XYLT1: variants seen among roughly 807,000 people sequenced by gnomAD.
The protein encoded by XYLT1 is xylosyltransferase 1.
Under a neutral mutation model 91.3 loss-of-function variants are expected in XYLT1, and 36 were observed. The observed-to-expected ratio is 0.39, with a 90% CI of 0.30 to 0.52. XYLT1 has a LOEUF of 0.52. Ranked by LOEUF, XYLT1 falls within the 20% of genes least tolerant of loss-of-function variation. The pLI is 0.68. For synonymous variants in XYLT1, 588 were observed against 532.0 expected (o/e 1.11, Z -1.45); for missense variants, 1,242 against 1,284.5 (o/e 0.97, Z 0.51).
chr16:17,354,023 G>A (rs2035258864), intron 2 of XYLT1, among the ~76,000 whole-genome samples: 1 of 152,190 alleles, frequency 6.6e-6, no homozygotes. Context: ...AATGAGAGAA[G>A]TCAGTTCTTG....
At chr16:17,130,168 C>G (rs1398489843) in intron 9 of XYLT1, among the ~76,000 whole-genome samples, 1 of 152,226 alleles carries the variant, frequency 6.6e-6, no homozygotes, top group Non-Finnish European at 1.5e-5. Context: ...AGCCAAGGAC[C>G]ACAGAGCCAC....
intron 6 of XYLT1, among the ~76,000 whole-genome samples, chr16:17,144,247 T>C (rs2141524316): frequency 6.6e-6 from 1 of 152,336 alleles, no homozygotes; most frequent in African/African-American, 2.4e-5. Flanking sequence ...ACAGAATGGA[T>C]AGATACTGAA....
intron 5 of XYLT1, among the ~76,000 whole-genome samples, chr16:17,183,439 CA>C (rs113035226): frequency 0.1 from 15,582 of 152,040 alleles, 912 homozygotes; most frequent in African/African-American, 0.14. Context: ...GACCCGTTGG[CA>C]AAAAACTCAG....
chr16:17,119,134 T>C (rs1272207161), intron 10 of XYLT1, among the ~76,000 whole-genome samples: 1 of 152,232 alleles, frequency 6.6e-6, no homozygotes, highest in Non-Finnish European at 1.5e-5. Flanking sequence ...ACAGGGGTTT[T>C]ACCTGGCTGG....
intron 8 of XYLT1, among the ~76,000 whole-genome samples, chr16:17,135,598 A>ATTCAGTGT (rs2030687475): frequency 6.6e-6 from 1 of 151,432 alleles, no homozygotes; most frequent in South Asian, 2.1e-4. Flanking sequence ...GGTGATTATG[A>ATTCAGTGT]TTCAGTGTTT....
intron 2 of XYLT1, among the ~76,000 whole-genome samples, chr16:17,333,627 G>T (rs535658259): frequency 4.4e-5 from 6 of 136,948 alleles, no homozygotes; most frequent in African/African-American, 1.7e-4. Flanking sequence ...TCACTCTGCC[G>T]CCCAGGCTGG....
chr16:17,294,393 G>T (rs959417124), intron 2 of XYLT1, among the ~76,000 whole-genome samples: 1 of 152,148 alleles, frequency 6.6e-6, no homozygotes, highest in African/African-American at 2.4e-5. Flanking sequence ...GTTACTGCTC[G>T]AAAGTACAAA....
chr16:17,337,304 C>T (rs1379961352), intron 2 of XYLT1, among the ~76,000 whole-genome samples: 1 of 152,120 alleles, frequency 6.6e-6, no homozygotes, highest in Non-Finnish European at 1.5e-5. Context: ...CCTCCCACTT[C>T]AGCCTCCCAG....
At chr16:17,340,320 G>A (rs2035048007) in intron 2 of XYLT1, among the ~76,000 whole-genome samples, 1 of 152,178 alleles carries the variant, frequency 6.6e-6, no homozygotes. Context: ...TATGGCCGTG[G>A]GCATGTCACA....
In XYLT1 at chr16:17,158,834, A is replaced by G; in HGVS notation, c.1365T>C (p.Asn455=). The G allele has an allele frequency of 1.9e-6, 3 of 1,613,876 alleles. No individual in the cohort carries two copies. Among genetic ancestry groups the G allele is most frequent in the South Asian group, 1.1e-5 (1 of 91,068 alleles). Residue 455 remains asparagine, a synonymous_variant, in exon 6 of 12, where the codon AAT becomes AAC. Transcript: ENST00000261381. ...GGTAGGGGTTGAGGTGCTACCTTGCATTGTCCCGGCCGTGTGACTTCAAGA... is the reference window on the plus strand; with the variant it reads ...GGTAGGGGTTGAGGTGCTACCTTGCGTTGTCCCGGCCGTGTGACTTCAAGA... ...MNFLKSHGRD[N]ARFIRKQGLD...
intron 3 of XYLT1, among the ~76,000 whole-genome samples, chr16:17,245,531 C>G (rs935000476): frequency 2.6e-5 from 4 of 152,210 alleles, no homozygotes; most frequent in Non-Finnish European, 5.9e-5. Context: ...TCAATCGTCT[C>G]TTAATCAATC....
At chr16:17,408,596 A>C (rs961280112) in intron 1 of XYLT1, among the ~76,000 whole-genome samples, 5 of 152,264 alleles carry the variant, frequency 3.3e-5, no homozygotes, top group Non-Finnish European at 7.3e-5. Flanking sequence ...CGATAATCCC[A>C]GCACTTTTGG....
rs189321663 is a variant in XYLT1 at position 17,234,357 on chromosome 16, C to T, written c.913+24631G>A. ...AAATCTCTGGGCCTACCTTTATCCCCGCTTAACTGTTCAGTTACATCTTTG... is the reference window on the plus strand; with the variant it reads ...AAATCTCTGGGCCTACCTTTATCCCTGCTTAACTGTTCAGTTACATCTTTG... On this transcript the variant is annotated intron_variant, in intron 3 of 11. Coordinates refer to ENST00000261381, the MANE Select transcript of XYLT1 (RefSeq NM_022166.4). Among the ~76,000 whole-genome samples the T allele has an allele frequency of 3.6e-3, 543 of 152,298 alleles. 3 individuals carry two copies. Among genetic ancestry groups the T allele is most frequent in the African/African-American group, 0.012 (509 of 41,534 alleles).
intron 3 of XYLT1, among the ~76,000 whole-genome samples, chr16:17,232,576 C>T (rs1244156230): frequency 3.3e-5 from 5 of 150,956 alleles, no homozygotes; most frequent in Non-Finnish European, 7.4e-5. Context: ...ATGAAGATGG[C>T]GGTGGTGTTG....
chr16:17,379,108 T>G (rs115683949), intron 1 of XYLT1, among the ~76,000 whole-genome samples: 4,329 of 152,216 alleles, frequency 0.028, 198 homozygotes, highest in African/African-American at 0.099. Context: ...GCATATTTCT[T>G]CCAGAATTGT....
chr16:17,232,459 A>ATC (rs1298307199), intron 3 of XYLT1, among the ~76,000 whole-genome samples: 5 of 143,622 alleles, frequency 3.5e-5, no homozygotes, highest in African/African-American at 1.3e-4. Context: ...ACATATATAT[A>ATC]TATATATTGC....
rs1350762311 is a variant in XYLT1, at chr16:17,395,401, T to C, written c.364-37351A>G. On this transcript the variant is annotated intron_variant, in intron 1 of 11. Coordinates refer to ENST00000261381, the MANE Select transcript of XYLT1 (RefSeq NM_022166.4). ...GGTGCATTCCTGTAGTCCCAGCTACTTGGGAGGCTGAGGCAGAAAGATTAC... is the reference window on the plus strand; with the variant it reads ...GGTGCATTCCTGTAGTCCCAGCTACCTGGGAGGCTGAGGCAGAAAGATTAC... Among the ~76,000 whole-genome samples the C allele has an allele frequency of 2.0e-5, 3 of 152,150 alleles. No individual in the cohort carries two copies. In the East Asian group the frequency reaches 5.8e-4, roughly 29 times the overall value.
chr16:17,470,850 GC>G lies in XYLT1; in HGVS notation c.-55del. 1.2e-6 allele frequency: 1 copy of G among 840,142 alleles called. No individual in the cohort carries two copies. Among genetic ancestry groups the G allele is most frequent in the Non-Finnish European group, 1.3e-6 (1 of 765,414 alleles). 52.0% of individuals were successfully genotyped at this position (840,142 alleles called of 1,614,324 possible). On this transcript the variant is annotated 5_prime_UTR_variant, in exon 1 of 12. Coordinates refer to ENST00000261381, the MANE Select transcript of XYLT1 (RefSeq NM_022166.4). ...CGGGGACCCCGGCACGCTCCGGGCC[GC>G]CCCCGCGCTCCCCGCAGCTCCCGCG...
chr16:17,417,060 G>A (rs2141917522), intron 1 of XYLT1, among the ~76,000 whole-genome samples: 1 of 152,180 alleles, frequency 6.6e-6, no homozygotes, highest in East Asian at 1.9e-4. Flanking sequence ...TTGCAAGTTT[G>A]AAGGCGTAAC....
Sources: allele counts gnomAD v4.1 joint callset (sites outside exome capture counted in the v4.1 genomes callset), GRCh38; gene constraint gnomAD v4.1.1; transcripts MANE v1.5; gene names NCBI Gene and HGNC (gene_info 2026-07-23, HGNC 2026-07-21).